DAG1: variants seen among roughly 807,000 people sequenced by gnomAD.
The protein encoded by DAG1 is dystroglycan 1.
DAG1 carries 8 observed loss-of-function variants against 46.1 expected under a neutral mutation model. The ratio of observed to expected loss-of-function variants is 0.17; its 90% confidence interval spans 0.10 to 0.31. The LOEUF is 0.31. Ranked by LOEUF, DAG1 falls within the 10% of genes least tolerant of loss-of-function variation. The pLI is 1.00. For missense variants in DAG1, 1,003 were observed against 1,189.9 expected (o/e 0.84, Z 2.31); for synonymous variants, 495 against 481.8 (o/e 1.03, Z -0.36).
intron 1 of DAG1, among the ~76,000 whole-genome samples, chr3:49,486,556 G>A (rs2050033554): frequency 1.3e-5 from 2 of 151,834 alleles, no homozygotes; most frequent in South Asian, 4.2e-4. Flanking sequence ...ACTCTGGAGT[G>A]TAGTGGCATG....
intron 2 of DAG1, among the ~76,000 whole-genome samples, chr3:49,528,219 A>G (rs1053850053): frequency 1.3e-5 from 2 of 150,920 alleles, no homozygotes; most frequent in Admixed American, 6.6e-5. Flanking sequence ...TTTAATATAA[A>G]TGAACTGAAA....
intron 2 of DAG1, chr3:49,511,121 G>T (rs1559565131): frequency 8.1e-6 from 3 of 371,366 alleles, no homozygotes; most frequent in Non-Finnish European, 1.1e-5. Flanking sequence ...ATAGGGAAAG[G>T]TTACCTTTAA....
intron 1 of DAG1, 126 bp downstream of exon 1, chr3:49,470,559 C>T: frequency 6.6e-6 from 1 of 152,498 alleles, no homozygotes. Context: ...GACACGGCCG[C>T]GGACGTCCTT....
chr3:49,499,183 T>C (rs541584378), intron 1 of DAG1, among the ~76,000 whole-genome samples: 59 of 152,334 alleles, frequency 3.9e-4, no homozygotes, highest in Non-Finnish European at 7.5e-4. Context: ...TTTTCTTTTA[T>C]TCTTGGGAAG....
At chr3:49,528,957 TCTTATGC>T (rs1321397477) in intron 2 of DAG1, among the ~76,000 whole-genome samples, 1 of 151,928 alleles carries the variant, frequency 6.6e-6, no homozygotes, top group Non-Finnish European at 1.5e-5. Flanking sequence ...TTCAAGCAAT[TCTTATGC>T]CTTAGCCTCC....
At chr3:49,473,168 C>T (rs2049575468) in intron 1 of DAG1, among the ~76,000 whole-genome samples, 1 of 152,042 alleles carries the variant, frequency 6.6e-6, no homozygotes, top group Non-Finnish European at 1.5e-5. Flanking sequence ...GTAATCCCAG[C>T]ACTTTGGGAG....
intron 1 of DAG1, among the ~76,000 whole-genome samples, chr3:49,484,154 C>T (rs751645485): frequency 1.3e-5 from 2 of 152,148 alleles, no homozygotes; most frequent in Admixed American, 6.5e-5. Context: ...CCAGCTGTTG[C>T]GTTTGCTTAC....
chr3:49,495,831 A>C (rs2050295769), intron 1 of DAG1, among the ~76,000 whole-genome samples: 1 of 152,082 alleles, frequency 6.6e-6, no homozygotes, highest in Non-Finnish European at 1.5e-5. Context: ...GAGGCAGGAG[A>C]ATTGCTTGAA....
chr3:49,507,914 C>T (rs2050651311), intron 1 of DAG1, among the ~76,000 whole-genome samples: 1 of 151,902 alleles, frequency 6.6e-6, no homozygotes, highest in Admixed American at 6.6e-5. Context: ...TGAGAGGAAT[C>T]TGTTCGTTTA....
chr3:49,490,262 A>G (rs1054020151), intron 1 of DAG1, among the ~76,000 whole-genome samples: 2 of 151,866 alleles, frequency 1.3e-5, no homozygotes, highest in Admixed American at 6.6e-5. Flanking sequence ...CTGAGGCAGG[A>G]GAATGATGTG....
intron 2 of DAG1, among the ~76,000 whole-genome samples, chr3:49,525,368 C>G (rs944713146): frequency 6.6e-6 from 1 of 152,046 alleles, no homozygotes; most frequent in Admixed American, 6.6e-5. Flanking sequence ...TAAAGAAATA[C>G]CTGAGACTGG....
intron 1 of DAG1, among the ~76,000 whole-genome samples, chr3:49,477,495 G>A (rs921156291): frequency 1.3e-5 from 2 of 152,016 alleles, no homozygotes; most frequent in African/African-American, 4.8e-5. Context: ...AACTCACTAT[G>A]TTGTCTGGGC....
chr3:49,489,928 T>C (rs1029049927), intron 1 of DAG1, among the ~76,000 whole-genome samples: 1 of 152,102 alleles, frequency 6.6e-6, no homozygotes, highest in Non-Finnish European at 1.5e-5. Flanking sequence ...GGGAGGGTTA[T>C]ATAGCTGTCA....
intron 1 of DAG1, among the ~76,000 whole-genome samples, chr3:49,490,430 A>C (rs564306278): frequency 2.6e-5 from 4 of 151,820 alleles, no homozygotes; most frequent in Admixed American, 6.6e-5. Flanking sequence ...GAAACTCCCA[A>C]ATACTCCATC....
Position 49,534,707 on chromosome 3 carries a change from A to G in DAG1, c.*1508A>G, listed in dbSNP as rs4625. On this transcript the variant is annotated 3_prime_UTR_variant, in exon 3 of 3. Transcript: ENST00000308775. Reference sequence around the variant, plus strand: ...GTCCGTCCATCTGCATCTCTGTCCCATGACTCAGGGGCGCCCACTCTGCTT... The same window carrying G: ...GTCCGTCCATCTGCATCTCTGTCCCGTGACTCAGGGGCGCCCACTCTGCTT... The G allele has an allele frequency of 0.3, 45,398 of 152,482 alleles. 7,259 individuals carry two copies. Among genetic ancestry groups the G allele is most frequent in the Middle Eastern group, 0.32 (93 of 294 alleles). The allele number at this position is 152,482 out of a possible 1,614,324, so 9.4% of individuals were successfully genotyped here. A position where few individuals can be genotyped will look rare whatever the true frequency, so the allele number is the denominator to read the frequency against.
At chr3:49,494,018 A>G (rs2050251132) in intron 1 of DAG1, among the ~76,000 whole-genome samples, 1 of 152,202 alleles carries the variant, frequency 6.6e-6, no homozygotes, top group Non-Finnish European at 1.5e-5. Context: ...AAGCAGGTAA[A>G]AGGGCCAATT....
At position 49,531,386 on chromosome 3, in the gene DAG1, A is replaced by G. The variant is rs1422604975; in HGVS notation, c.875A>G (p.Tyr292Cys). The G allele has an allele frequency of 4.3e-6, 7 of 1,614,124 alleles. No homozygotes were observed. The highest frequency in any genetic ancestry group is 1.1e-5 in the South Asian group (1 of 91,082). ...REGAMSAQLGYPVVGWHIANK... is the reference protein window; with the variant it reads ...REGAMSAQLGCPVVGWHIANK... The stretch of plus-strand genomic sequence containing the variant: ...GGCGCAATGTCTGCTCAGCTTGGCT[A>G]CCCTGTGGTGGGTTGGCACATCGCC... Residue 292 changes from tyrosine (Y) to cysteine (C), a missense_variant, in exon 3 of 3, where the codon TAC (tyrosine) becomes TGC (cysteine). Tyr to Cys is a radical substitution (Grantham distance 194). This residue lies in a region of DAG1 where 755 missense variants were observed against 854.1 expected (regional missense o/e 0.88). Coordinates refer to ENST00000308775, the MANE Select transcript of DAG1 (RefSeq NM_004393.6). This position sits in a 1 kb window ranked among gnomAD's most constrained non-coding sequence, Gnocchi z 7.0.
rs1179460875 is a variant in DAG1 at position 49,525,919 on chromosome 3, C to T, written c.286-4878C>T. Among the ~76,000 whole-genome samples the T allele has an allele frequency of 3.3e-5, 5 of 151,102 alleles. No individual in the cohort carries two copies. The South Asian group carries it at 8.4e-4, about 26-fold the overall frequency. On this transcript the variant is annotated intron_variant, in intron 2 of 2. Coordinates refer to ENST00000308775, the MANE Select transcript of DAG1 (RefSeq NM_004393.6). ...AGGCTGGAGTGAAGTGGTGCAATCT[C>T]GGCTCACTTCAACCTCCGCCCTCTG...
At chr3:49,478,412 A>G (rs2106920997) in intron 1 of DAG1, among the ~76,000 whole-genome samples, 1 of 141,296 alleles carries the variant, frequency 7.1e-6, no homozygotes, top group South Asian at 2.6e-4. Context: ...TTGGGCAACA[A>G]AGAGAGACCC....
Sources: allele counts gnomAD v4.1 joint callset (sites outside exome capture counted in the v4.1 genomes callset), GRCh38; gene constraint gnomAD v4.1.1; regional missense constraint gnomAD v4.1.1; non-coding constraint Gnocchi (gnomAD v3.1); transcripts MANE v1.5; gene names NCBI Gene and HGNC (gene_info 2026-07-23, HGNC 2026-07-21).